Variants in ABCA13 observed in about 807,000 individuals in gnomAD.
ABCA13 encodes the protein ATP binding cassette subfamily A member 13, also known as ATP-binding cassette sub-family A member 13.
In ABCA13, 476 loss-of-function variants were observed where a neutral mutation model predicts 478.7. The observed-to-expected ratio is 0.99, with a 90% CI of 0.92 to 1.07. The LOEUF is 1.07. ABCA13 is among the 50% of genes least tolerant of loss of function. The pLI, the probability that ABCA13 is intolerant of heterozygous loss-of-function variation, is 0.00. For synonymous variants in ABCA13, 2,252 were observed against 2,158.9 expected (o/e 1.04, Z -1.20); for missense variants, 6,060 against 5,910.6 (o/e 1.03, Z -0.83).
chr7:48,337,294 C>A (rs755363513), intron 28 of ABCA13, among the ~76,000 whole-genome samples: 2 of 152,258 alleles, frequency 1.3e-5, no homozygotes, highest in South Asian at 4.1e-4. Context: ...GACAACAGTA[C>A]CCTCCTGGGG....
intron 2 of ABCA13, among the ~76,000 whole-genome samples, chr7:48,195,581 T>G (rs1265830870): frequency 1.3e-5 from 2 of 152,062 alleles, no homozygotes; most frequent in Non-Finnish European, 2.9e-5. Flanking sequence ...GTGGGGGATT[T>G]GGGGAGCTGT....
chr7:48,548,951 C>T (rs1346930822), intron 55 of ABCA13, among the ~76,000 whole-genome samples: 1 of 151,710 alleles, frequency 6.6e-6, no homozygotes, highest in Non-Finnish European at 1.5e-5. Context: ...TGAAACTTGA[C>T]TACATCTCTA....
At chr7:48,239,471 C>G (rs1288488529) in intron 9 of ABCA13, 66 bp downstream of exon 9, 1 of 1,486,970 alleles carries the variant, frequency 6.7e-7, no homozygotes, top group Non-Finnish European at 9.0e-7. Flanking sequence ...ATCCATTCTC[C>G]TCCCCTGCCC....
intron 10 of ABCA13, among the ~76,000 whole-genome samples, chr7:48,242,182 C>G (rs570806897): frequency 6.6e-6 from 1 of 152,002 alleles, no homozygotes; most frequent in Non-Finnish European, 1.5e-5. Context: ...CTACAAATCT[C>G]GAATGCCCCC....
chr7:48,336,933 C>T (rs761015052), intron 28 of ABCA13, among the ~76,000 whole-genome samples: 1 of 152,210 alleles, frequency 6.6e-6, no homozygotes, highest in African/African-American at 2.4e-5. Context: ...AGCACCAAGT[C>T]GAGAATGTAC....
chr7:48,317,049 T>C, intron 26 of ABCA13, 108 bp from the exon 27 acceptor site: 1 of 1,357,284 alleles, frequency 7.4e-7, no homozygotes, highest in East Asian at 2.5e-5. Flanking sequence ...CAGAAAAAAA[T>C]ATGGCTGTCA....
At chr7:48,379,192 G>T (rs1339650643) in intron 35 of ABCA13, among the ~76,000 whole-genome samples, 1 of 152,092 alleles carries the variant, frequency 6.6e-6, no homozygotes, top group Non-Finnish European at 1.5e-5. Flanking sequence ...TATTTCAAAA[G>T]CTAAAAATAA....
At chr7:48,320,615 G>A (rs569212195) in intron 27 of ABCA13, among the ~76,000 whole-genome samples, 1 of 147,322 alleles carries the variant, frequency 6.8e-6, no homozygotes, top group Non-Finnish European at 1.5e-5. Context: ...GAAGAACAAT[G>A]TGTAGACACA....
intron 43 of ABCA13, 125 bp from the exon 44 acceptor site, chr7:48,466,831 C>A: frequency 1.1e-6 from 1 of 874,234 alleles, no homozygotes; most frequent in South Asian, 1.4e-5. Flanking sequence ...ATCTCACTTA[C>A]TAGGAATCAT....
intron 41 of ABCA13, among the ~76,000 whole-genome samples, chr7:48,417,941 G>A (rs1820249417): frequency 1.3e-5 from 2 of 152,094 alleles, no homozygotes; most frequent in South Asian, 4.2e-4. Flanking sequence ...AACCCTTGTA[G>A]CCTTTCCATT....
At chr7:48,588,256 C>A (rs1223328291) in intron 57 of ABCA13, among the ~76,000 whole-genome samples, 1 of 152,126 alleles carries the variant, frequency 6.6e-6, no homozygotes, top group African/African-American at 2.4e-5. Flanking sequence ...ATTCCAGAAT[C>A]TGATAATAAA....
At chr7:48,396,927 A>T (rs1033390346) in intron 38 of ABCA13, among the ~76,000 whole-genome samples, 2 of 152,254 alleles carry the variant, frequency 1.3e-5, no homozygotes, top group African/African-American at 2.4e-5. Flanking sequence ...TAGAGGGGCT[A>T]AATGAGGCAG....
Position 48,219,353 on chromosome 7 carries a change from G to T in ABCA13, c.288-1G>T. 1 of 1,604,586 alleles carries T rather than the reference G, an allele frequency of 6.2e-7. No homozygotes were observed. The highest frequency in any genetic ancestry group is 8.5e-7 in the Non-Finnish European group (1 of 1,177,738). ...ACTTGCAGTATTTATTCTGTTTAAA[G>T]TTTGTCTAGGTTCCAAACTGCAGCT... On this transcript the variant is annotated splice_acceptor_variant, in intron 3 of 61. Transcript: ENST00000435803. LOFTEE classifies it high-confidence loss of function.
intron 41 of ABCA13, among the ~76,000 whole-genome samples, chr7:48,417,211 C>A (rs1280548652): frequency 6.6e-6 from 1 of 152,202 alleles, no homozygotes. Context: ...AGGGGATAAC[C>A]CTCAAGATCT....
intron 55 of ABCA13, among the ~76,000 whole-genome samples, chr7:48,579,646 A>G (rs13224880): frequency 0.095 from 14,436 of 152,210 alleles, 1,168 homozygotes; most frequent in African/African-American, 0.22. Context: ...ATGTATGTAG[A>G]CACAGGAGTT....
intron 43 of ABCA13, among the ~76,000 whole-genome samples, chr7:48,462,802 T>A (rs1826411797): frequency 6.6e-6 from 1 of 152,196 alleles, no homozygotes; most frequent in African/African-American, 2.4e-5. Context: ...AGCCACCGCA[T>A]CCTGCCAGTT....
intron 42 of ABCA13, among the ~76,000 whole-genome samples, chr7:48,437,612 A>C (rs534575132): frequency 6.6e-6 from 1 of 152,164 alleles, no homozygotes; most frequent in Admixed American, 6.6e-5. Context: ...GTTTCTTCAG[A>C]GACTGTTTCT....
In ABCA13 at chr7:48,249,257, A is replaced by G. The variant is rs781290284; in HGVS notation, c.1911A>G (p.Ala637=). 2 of 1,613,276 alleles carry G rather than the reference A, an allele frequency of 1.2e-6. No individual in the cohort carries two copies. Among genetic ancestry groups the G allele is most frequent in the South Asian group, 1.1e-5 (1 of 91,014 alleles). Residue 637 remains alanine, a synonymous_variant, in exon 15 of 62, where the codon GCA becomes GCG. Coordinates refer to ENST00000435803, the MANE Select transcript of ABCA13 (RefSeq NM_152701.5). ...AAACACAATTTTTCCTGGAACAAGC[A>G]TATTATTGGAAAGCCTTCAAAAAGT... ...LEKTQFFLEQ[A]YYWKAFKKFI... is the part of the protein sequence containing the mutation.
intron 59 of ABCA13, among the ~76,000 whole-genome samples, chr7:48,642,376 G>A (rs1795157191): frequency 6.6e-6 from 1 of 152,158 alleles, no homozygotes; most frequent in Non-Finnish European, 1.5e-5. Flanking sequence ...CCCCAGCAAT[G>A]CTTTGTAAAT....
Sources: allele counts gnomAD v4.1 joint callset (sites outside exome capture counted in the v4.1 genomes callset), GRCh38; gene constraint gnomAD v4.1.1; transcripts MANE v1.5; gene names NCBI Gene and HGNC (gene_info 2026-07-23, HGNC 2026-07-21).